The following PCDH15 variants were observed in gnomAD, a reference collection of about 807,000 sequenced individuals.
PCDH15 encodes the protein protocadherin-15.
In PCDH15, 129 loss-of-function variants were observed where a neutral mutation model predicts 178.5. The observed-to-expected ratio is 0.72, with a 90% CI of 0.63 to 0.84. The LOEUF is 0.84. PCDH15 is among the 40% of genes least tolerant of loss of function. PCDH15 has a pLI of 0.00. For synonymous variants in PCDH15, 800 were observed against 732.0 expected (o/e 1.09, Z -1.50); for missense variants, 2,230 against 2,099.9 (o/e 1.06, Z -1.21).
At chr10:54,607,786 A>C in intron 2 of PCDH15, 1 of 486,760 alleles carries the variant, frequency 2.1e-6, no homozygotes, top group Non-Finnish European at 4.1e-6. Context: ...GTCTACTACA[A>C]AGAATTTTTA....
At chr10:54,916,213 GC>G (rs1161668796) in intron 2 of PCDH15, among the ~76,000 whole-genome samples, 1 of 152,106 alleles carries the variant, frequency 6.6e-6, no homozygotes, top group Non-Finnish European at 1.5e-5. Flanking sequence ...ACCCACCTCA[GC>G]CTCCCAAAGT....
At chr10:55,434,850 G>A (rs780125185) in intron 2 of PCDH15, among the ~76,000 whole-genome samples, 2 of 151,852 alleles carry the variant, frequency 1.3e-5, no homozygotes, top group South Asian at 2.1e-4. Context: ...GTGATCCACC[G>A]ACCTTGGCCT....
chr10:53,998,540 C>G lies in PCDH15; in HGVS notation c.2752-2775G>C, dbSNP rs948073877. On this transcript the variant is annotated intron_variant, in intron 20 of 37. Transcript: ENST00000644397. ...AGACTACCAAGAAGATGTAAGGAAT[C>G]TTTTTAATGATCATGCTAGGAAGAT... Among the ~76,000 whole-genome samples the G allele has an allele frequency of 2.0e-5, 3 of 151,964 alleles. No homozygotes were observed. In the East Asian group the frequency reaches 5.8e-4, roughly 29 times the overall value.
intron 2 of PCDH15, among the ~76,000 whole-genome samples, chr10:55,495,626 T>G (rs2132133003): frequency 6.6e-6 from 1 of 151,946 alleles, no homozygotes. Flanking sequence ...AATTAGAATA[T>G]TCATGCCTTA....
intron 21 of PCDH15, among the ~76,000 whole-genome samples, chr10:53,964,613 G>C (rs2610909): frequency 0.77 from 117,687 of 151,874 alleles, 45,935 homozygotes; most frequent in East Asian, 1. Context: ...TCATATATTT[G>C]AAGGTTTGGG....
intron 2 of PCDH15, among the ~76,000 whole-genome samples, chr10:55,133,097 T>C (rs1838097556): frequency 6.6e-6 from 1 of 152,210 alleles, no homozygotes; most frequent in Non-Finnish European, 1.5e-5. Context: ...TGCTTGATCA[T>C]TCACTGGCTC....
chr10:55,001,575 C>T (rs977440995), intron 2 of PCDH15, among the ~76,000 whole-genome samples: 18 of 152,190 alleles, frequency 1.2e-4, no homozygotes, highest in African/African-American at 4.1e-4. Context: ...GAGCTGGCAC[C>T]TTTGCTGGCA....
chr10:55,503,235 A>G (rs1012086740), intron 2 of PCDH15, among the ~76,000 whole-genome samples: 4 of 151,144 alleles, frequency 2.6e-5, no homozygotes, highest in Non-Finnish European at 5.9e-5. Context: ...TTTACAATTA[A>G]CAAAGATAAA....
At chr10:54,199,093 T>C (rs2049977255) in intron 10 of PCDH15, among the ~76,000 whole-genome samples, 1 of 152,226 alleles carries the variant, frequency 6.6e-6, no homozygotes, top group Non-Finnish European at 1.5e-5. Context: ...AATCTAATTC[T>C]TAACTTCCTC....
At chr10:54,156,194 A>G (rs919550512) in intron 13 of PCDH15, among the ~76,000 whole-genome samples, 1 of 152,164 alleles carries the variant, frequency 6.6e-6, no homozygotes, top group Non-Finnish European at 1.5e-5. Context: ...GATGTTTTAT[A>G]GTTCTATTCA....
intron 3 of PCDH15, among the ~76,000 whole-genome samples, chr10:54,421,639 A>G (rs1955328240): frequency 7.3e-6 from 1 of 137,760 alleles, no homozygotes; most frequent in Admixed American, 7.6e-5. Context: ...TAGGGCCTAC[A>G]TTTATATATG....
intron 25 of PCDH15, among the ~76,000 whole-genome samples, chr10:53,906,295 T>C (rs1374459680): frequency 6.6e-6 from 1 of 152,132 alleles, no homozygotes; most frequent in Non-Finnish European, 1.5e-5. Context: ...TAGGCAGTTG[T>C]TATGTATCCC....
Position 54,182,429 on chromosome 10 carries a change from G to A in PCDH15, c.1590+1015C>T, listed in dbSNP as rs1459947828. Reference sequence around the variant, plus strand: ...GCTAACCTCCTGAGTTTTCCATTTGGAGTAAGGGAAAGAAGAAAATAGGTT... The same window carrying A: ...GCTAACCTCCTGAGTTTTCCATTTGAAGTAAGGGAAAGAAGAAAATAGGTT... On this transcript the variant is annotated intron_variant, in intron 13 of 37. Transcript: ENST00000644397. 3.3e-5 allele frequency among the ~76,000 whole-genome samples: 5 copies of A among 152,166 alleles called. No homozygotes were observed. The South Asian group carries it at 6.2e-4, about 19-fold the overall frequency.
chr10:55,397,623 C>T (rs1837961701), intron 2 of PCDH15, among the ~76,000 whole-genome samples: 1 of 152,052 alleles, frequency 6.6e-6, no homozygotes, highest in Non-Finnish European at 1.5e-5. Flanking sequence ...TGCTCTGTCG[C>T]CCAGGCTGGA....
At chr10:55,346,941 G>C (rs747093957) in intron 2 of PCDH15, among the ~76,000 whole-genome samples, 1 of 151,924 alleles carries the variant, frequency 6.6e-6, no homozygotes. Context: ...TGAGTTGGGC[G>C]CGGTGACTCA....
At chr10:54,153,914 C>T (rs1442241982) in intron 13 of PCDH15, among the ~76,000 whole-genome samples, 1 of 152,098 alleles carries the variant, frequency 6.6e-6, no homozygotes, top group African/African-American at 2.4e-5. Flanking sequence ...AAATGCATCT[C>T]CCATTGTAGA....
At chr10:54,532,671 CTTTTT>C (rs970102590) in intron 2 of PCDH15, among the ~76,000 whole-genome samples, 5 of 151,660 alleles carry the variant, frequency 3.3e-5, no homozygotes, top group South Asian at 2.1e-4. Flanking sequence ...TCCCTTTTTT[CTTTTT>C]AATTTTTCAA....
intron 1 of PCDH15, among the ~76,000 whole-genome samples, chr10:54,781,727 T>C (rs1202480880): frequency 6.6e-6 from 1 of 152,190 alleles, no homozygotes; most frequent in Non-Finnish European, 1.5e-5. Context: ...TTCTTTTCCC[T>C]GGATTTGAAT....
intron 2 of PCDH15, among the ~76,000 whole-genome samples, chr10:55,459,901 T>G (rs573283563): frequency 6.6e-6 from 1 of 152,120 alleles, no homozygotes; most frequent in East Asian, 1.9e-4. Flanking sequence ...AAAAGAAAAT[T>G]ATTAAAGAAT....
Sources: gnomAD v4.1 joint callset for allele counts (sites outside exome capture counted in the v4.1 genomes callset) on GRCh38, gnomAD v4.1.1 for gene constraint, MANE v1.5 for transcripts, NCBI Gene and HGNC (gene_info 2026-07-23, HGNC 2026-07-21) for gene names.